Variants in ZMIZ1 observed in about 807,000 individuals in gnomAD.
ZMIZ1 encodes zinc finger MIZ domain-containing protein 1.
ZMIZ1 carries 17 observed loss-of-function variants against 113.9 expected under a neutral mutation model. The ratio of observed to expected loss-of-function variants is 0.15; its 90% CI spans 0.10 to 0.22. ZMIZ1 has a LOEUF of 0.22. ZMIZ1 is among the 10% of genes least tolerant of loss of function. The pLI, the probability that ZMIZ1 is intolerant of heterozygous loss-of-function variation, is 1.00. For synonymous variants in ZMIZ1, 607 were observed against 603.1 expected (o/e 1.01, Z -0.09); for missense variants, 1,059 against 1,477.8 (o/e 0.72, Z 4.65).
At chr10:79,160,533 G>A (rs1846070712) in intron 3 of ZMIZ1, among the ~76,000 whole-genome samples, 1 of 152,258 alleles carries the variant, frequency 6.6e-6, no homozygotes, top group Non-Finnish European at 1.5e-5. Flanking sequence ...CCCTACAACA[G>A]TTGAGGAAAC....
intron 7 of ZMIZ1, among the ~76,000 whole-genome samples, chr10:79,253,279 C>T (rs1377118830): frequency 1.3e-5 from 2 of 152,092 alleles, no homozygotes; most frequent in Non-Finnish European, 2.9e-5. Context: ...GTGTGGGGGT[C>T]GTTTGCAAGT....
Position 79,311,131 on chromosome 10 carries a change from G to A in ZMIZ1, c.3043G>A (p.Glu1015Lys), listed in dbSNP as rs1198306182. Residue 1015 changes from glutamate to lysine, a missense_variant, in exon 24 of 25, where the codon GAG (glutamate) becomes AAG (lysine). Coordinates refer to ENST00000334512, the MANE Select transcript of ZMIZ1 (RefSeq NM_020338.4). ...DLTFNPSSAL[E>K]GQAGAQGASD... Reference sequence around the variant, plus strand: ...GACCTTTAACCCCTCCTCAGCCTTAGAGGGTCAGGCCGGAGCGCAGGGAGC... The same window carrying A: ...GACCTTTAACCCCTCCTCAGCCTTAAAGGGTCAGGCCGGAGCGCAGGGAGC... The A allele has an allele frequency of 1.9e-6, 3 of 1,613,636 alleles. No individual in the cohort carries two copies. The highest frequency in any genetic ancestry group is 2.5e-6 in the Non-Finnish European group (3 of 1,180,052).
chr10:79,171,168 A>G lies in ZMIZ1; in HGVS notation c.-50+9035A>G, dbSNP rs548638439. ...CACTCCCTGCTCCCTCCCGTTTTCCACTCACTGCTGCTCAGGGGAGTTAAT... is the reference window on the plus strand; with the variant it reads ...CACTCCCTGCTCCCTCCCGTTTTCCGCTCACTGCTGCTCAGGGGAGTTAAT... On this transcript the variant is annotated intron_variant, in intron 4 of 24. Transcript: ENST00000334512. Among the ~76,000 whole-genome samples, 70 of 152,086 alleles carry G rather than the reference A, an allele frequency of 4.6e-4. 1 individual carries two copies. Among genetic ancestry groups the G allele is most frequent in the Non-Finnish European group, 9.3e-4 (63 of 68,006 alleles).
In ZMIZ1 at chr10:79,315,460, A is replaced by G. The variant is rs534358281; in HGVS notation, c.*2711A>G. The G allele has an allele frequency of 2.4e-4, 36 of 152,756 alleles. No individual in the cohort carries two copies. The highest frequency in any genetic ancestry group is 8.4e-4 in the African/African-American group (35 of 41,440). 9.5% of individuals were successfully genotyped at this position (152,756 alleles called of 1,614,324 possible). On this transcript the variant is annotated 3_prime_UTR_variant, in exon 25 of 25. Coordinates refer to ENST00000334512, the MANE Select transcript of ZMIZ1 (RefSeq NM_020338.4). ...AGCAAAAACGAGGCCTCTGCAAGCC[A>G]CTTTTCCATGCCAAGCATCCACCCG...
intron 3 of ZMIZ1, among the ~76,000 whole-genome samples, chr10:79,144,453 G>A (rs1470987578): frequency 6.6e-6 from 1 of 152,146 alleles, no homozygotes; most frequent in Non-Finnish European, 1.5e-5. Context: ...CACTTGCCTA[G>A]GGCCACGCAG....
At chr10:79,264,028 C>T (rs994867672) in intron 7 of ZMIZ1, among the ~76,000 whole-genome samples, 5 of 152,200 alleles carry the variant, frequency 3.3e-5, no homozygotes, top group Non-Finnish European at 5.9e-5. Context: ...GAGCCAGCAA[C>T]GGGCAGTGAT....
Position 79,252,421 on chromosome 10 carries a change from C to G in ZMIZ1, c.281-24760C>G, listed in dbSNP as rs548830967. On this transcript the variant is annotated intron_variant, in intron 7 of 24. Coordinates refer to ENST00000334512, the MANE Select transcript of ZMIZ1 (RefSeq NM_020338.4). ...GTGGCTTTCCTGGTCATCCCCTCCT[C>G]TCTCCCAGGAGTGTGTAGTCCACCA... Among the ~76,000 whole-genome samples, 259 of 152,238 alleles carry G rather than the reference C, an allele frequency of 1.7e-3. 1 individual carries two copies. Among genetic ancestry groups the G allele is most frequent in the African/African-American group, 6.0e-3 (248 of 41,526 alleles).
intron 2 of ZMIZ1, among the ~76,000 whole-genome samples, chr10:79,128,883 C>T (rs558371012): frequency 6.6e-6 from 1 of 152,288 alleles, no homozygotes; most frequent in South Asian, 2.1e-4. Flanking sequence ...CCTGGGCGTG[C>T]TTAACCCATC....
At chr10:79,093,681 A>T (rs1435766999) in intron 1 of ZMIZ1, among the ~76,000 whole-genome samples, 3 of 152,172 alleles carry the variant, frequency 2.0e-5, no homozygotes, top group African/African-American at 7.2e-5. Flanking sequence ...GATTAGGGCC[A>T]CAGAGCCAGA....
intron 1 of ZMIZ1, among the ~76,000 whole-genome samples, chr10:79,090,761 A>G (rs535329895): frequency 2.0e-5 from 3 of 152,208 alleles, no homozygotes; most frequent in Admixed American, 6.5e-5. Flanking sequence ...GCTGATGTGC[A>G]TTGTGGGAGC....
intron 7 of ZMIZ1, among the ~76,000 whole-genome samples, chr10:79,255,973 G>A (rs1393497138): frequency 6.6e-6 from 1 of 152,206 alleles, no homozygotes; most frequent in Non-Finnish European, 1.5e-5. Flanking sequence ...AGGAGTGTTG[G>A]CATTTTGGTA....
Position 79,277,251 on chromosome 10 carries a change from C to G in ZMIZ1, c.351C>G (p.Ser117Arg), listed in dbSNP as rs373895979. The change falls in exon 8 of 25, where the codon AGC (serine) becomes AGG (arginine). Residue 117 changes from serine to arginine, a missense_variant. By Grantham distance (110) the Ser-to-Arg change is moderately radical (BLOSUM62 -1). Transcript: ENST00000334512. ...LLLRHQKSRQ[S>R]DPPGKLPMQP... ...TCCGACATCAGAAGAGCCGCCAGAG[C>G]GATCCCCCTGGGAAACTCCCCATGC... 4 of 1,590,744 alleles carry G rather than the reference C, an allele frequency of 2.5e-6. No homozygotes were observed. Among genetic ancestry groups the G allele is most frequent in the Non-Finnish European group, 3.4e-6 (4 of 1,169,134 alleles).
At chr10:79,236,178 G>A (rs1197758062) in intron 7 of ZMIZ1, among the ~76,000 whole-genome samples, 2 of 152,176 alleles carry the variant, frequency 1.3e-5, no homozygotes, top group South Asian at 2.1e-4. Context: ...CTGCAGCCTG[G>A]GCCAGAGTGT....
chr10:79,080,531 A>C (rs1323368251), intron 1 of ZMIZ1, among the ~76,000 whole-genome samples: 3 of 150,954 alleles, frequency 2.0e-5, no homozygotes, highest in Non-Finnish European at 4.4e-5. Context: ...CTGGTCTCGA[A>C]CTCCTGACCT....
intron 1 of ZMIZ1, among the ~76,000 whole-genome samples, chr10:79,117,350 C>T (rs1365521869): frequency 2.0e-5 from 3 of 152,238 alleles, no homozygotes; most frequent in Non-Finnish European, 4.4e-5. Context: ...TCTTTTTGCC[C>T]TTCTTGACCT....
At chr10:79,300,640 G>A in intron 16 of ZMIZ1, 92 bp from the exon 17 acceptor site, 1 of 1,436,670 alleles carries the variant, frequency 7.0e-7, no homozygotes, top group Non-Finnish European at 9.4e-7. Flanking sequence ...AGGTTGTGGT[G>A]TGTTTAGAGG....
intron 3 of ZMIZ1, among the ~76,000 whole-genome samples, chr10:79,141,832 TA>T (rs1324197865): frequency 6.6e-6 from 1 of 152,048 alleles, no homozygotes; most frequent in Non-Finnish European, 1.5e-5. Flanking sequence ...GATGTCAGGA[TA>T]GGGGGCGAAG....
chr10:79,078,323 A>ACT (rs1842543616), intron 1 of ZMIZ1, among the ~76,000 whole-genome samples: 1 of 152,022 alleles, frequency 6.6e-6, no homozygotes, highest in African/African-American at 2.4e-5. Context: ...ACTGACTGGA[A>ACT]CTTCTGGCCA....
intron 4 of ZMIZ1, among the ~76,000 whole-genome samples, chr10:79,164,404 TTGAGTGAG>T (rs67735676): frequency 0.16 from 24,311 of 151,300 alleles, 2,205 homozygotes; most frequent in East Asian, 0.32. Context: ...ATTCTGTTAA[TTGAGTGAG>T]TGAGTGAGTG....
Sources: allele counts gnomAD v4.1 joint callset (sites outside exome capture counted in the v4.1 genomes callset), GRCh38; gene constraint gnomAD v4.1.1; transcripts MANE v1.5; gene names NCBI Gene and HGNC (gene_info 2026-07-23, HGNC 2026-07-21).